Variants in KDM3B observed in about 807,000 individuals in gnomAD.
The protein encoded by KDM3B is lysine-specific demethylase 3B.
Under a neutral mutation model 170.0 loss-of-function variants are expected in KDM3B, and 10 were observed. The ratio of observed to expected loss-of-function variants is 0.06; its 90% CI spans 0.04 to 0.10. KDM3B has a LOEUF of 0.10. Ranked by LOEUF, KDM3B falls within the 10% of genes least tolerant of loss-of-function variation. The probability of loss-of-function intolerance (pLI) is 1.00; values close to 1 mark genes in which losing one functional copy is unlikely to be tolerated. For missense variants in KDM3B, 1,394 were observed against 2,195.2 expected (o/e 0.64, Z 7.29); for synonymous variants, 831 against 834.8 (o/e 1.00, Z 0.08).
chr5:138,376,740 G>A (rs1352144213), intron 3 of KDM3B, among the ~76,000 whole-genome samples: 1 of 151,746 alleles, frequency 6.6e-6, no homozygotes, highest in East Asian at 1.9e-4. Context: ...GGCAGAGGTG[G>A]CTTCTCCGAG....
intron 15 of KDM3B, among the ~76,000 whole-genome samples, chr5:138,422,773 A>G (rs909898600): frequency 1.3e-5 from 2 of 152,084 alleles, no homozygotes; most frequent in African/African-American, 2.4e-5. Flanking sequence ...TTTCCCCTAA[A>G]TGTTCTACAC....
intron 11 of KDM3B, among the ~76,000 whole-genome samples, chr5:138,410,438 A>C (rs1189471413): frequency 6.6e-6 from 1 of 152,208 alleles, no homozygotes; most frequent in Non-Finnish European, 1.5e-5. Context: ...AGTGGGGGAA[A>C]GGATAACCCT....
intron 11 of KDM3B, among the ~76,000 whole-genome samples, chr5:138,402,601 A>G (rs1422539484): frequency 6.6e-6 from 1 of 152,254 alleles, no homozygotes; most frequent in Non-Finnish European, 1.5e-5. Flanking sequence ...GTTAGCTGCT[A>G]GAGTATTCTG....
chr5:138,363,167 T>C (rs904823286), intron 1 of KDM3B, among the ~76,000 whole-genome samples: 29 of 152,282 alleles, frequency 1.9e-4, no homozygotes, highest in African/African-American at 7.0e-4. Context: ...AGTAAATTCA[T>C]GGAGGTCAGG....
chr5:138,405,276 C>G (rs975622956), intron 11 of KDM3B, among the ~76,000 whole-genome samples: 2 of 142,608 alleles, frequency 1.4e-5, no homozygotes, highest in Non-Finnish European at 3.1e-5. Flanking sequence ...CTCCTGATCT[C>G]GTGATCCACC....
At chr5:138,410,327 A>ATT (rs1762929990) in intron 11 of KDM3B, among the ~76,000 whole-genome samples, 1 of 152,156 alleles carries the variant, frequency 6.6e-6, no homozygotes. Context: ...ATTAATATTA[A>ATT]AGCTACAGTA....
intron 11 of KDM3B, among the ~76,000 whole-genome samples, chr5:138,409,795 A>G (rs192895583): frequency 5.3e-5 from 8 of 152,292 alleles, no homozygotes; most frequent in Non-Finnish European, 1.2e-4. Flanking sequence ...AACAATAATG[A>G]AAAATAGGCC....
chr5:138,384,786 C>T (rs1762216216), intron 6 of KDM3B, among the ~76,000 whole-genome samples: 1 of 147,424 alleles, frequency 6.8e-6, no homozygotes, highest in African/African-American at 2.5e-5. Flanking sequence ...TGGTGGCACA[C>T]ACCTGTAGTC....
chr5:138,390,151 G>A (rs1444401814), intron 7 of KDM3B, among the ~76,000 whole-genome samples: 3 of 151,916 alleles, frequency 2.0e-5, no homozygotes, highest in African/African-American at 4.8e-5. Context: ...GAGCCACCGC[G>A]CCAGGCCCCA....
intron 17 of KDM3B, 132 bp downstream of exon 17, chr5:138,425,714 T>G (rs1763375173): frequency 9.4e-6 from 8 of 850,798 alleles, no homozygotes; most frequent in Non-Finnish European, 1.2e-5. Flanking sequence ...GAATAAAAAA[T>G]TAAAAACAGA....
intron 11 of KDM3B, among the ~76,000 whole-genome samples, chr5:138,401,843 C>T: frequency 6.6e-6 from 1 of 152,052 alleles, no homozygotes; most frequent in Non-Finnish European, 1.5e-5. Context: ...CTGATTGTGT[C>T]GTTTTGATTT....
chr5:138,360,575 T>TTC (rs1761575150), intron 1 of KDM3B, among the ~76,000 whole-genome samples: 1 of 14,672 alleles, frequency 6.8e-5, no homozygotes, highest in Non-Finnish European at 2.1e-4. Flanking sequence ...TCTATTTCTT[T>TTC]TTTTTTTTTT....
Position 138,424,124 on chromosome 5 carries a change from C to A in KDM3B, c.4022C>A (p.Ala1341Asp). ...CCCAACTTTCTTGACCACATCATTG[C>A]CTCAGTGGTAGAAAATAAGAAAACC... ...SLPNFLDHII[A>D]SVVENKKTSD... The change falls in exon 16 of 24, where the codon GCC becomes GAC. Residue 1341 changes from alanine (A) to aspartate (D), a missense_variant. Transcript: ENST00000314358. The A allele has an allele frequency of 1.2e-6, 2 of 1,608,224 alleles. No homozygotes were observed. The highest frequency in any genetic ancestry group is 1.1e-5 in the South Asian group (1 of 90,506).
At chr5:138,368,058 C>T (rs1392568480) in intron 1 of KDM3B, among the ~76,000 whole-genome samples, 1 of 151,754 alleles carries the variant, frequency 6.6e-6, no homozygotes, top group Non-Finnish European at 1.5e-5. Flanking sequence ...TGTTTTAGTC[C>T]TCCCCTACTA....
At chr5:138,372,605 T>C (rs1177395275) in intron 1 of KDM3B, 69 bp from the exon 2 acceptor site, 4 of 1,327,894 alleles carry the variant, frequency 3.0e-6, no homozygotes, top group Non-Finnish European at 4.2e-6. Context: ...GTGGGGTTTA[T>C]GTTCATTTAT....
At chr5:138,361,171 T>C (rs1306294131) in intron 1 of KDM3B, among the ~76,000 whole-genome samples, 1 of 152,174 alleles carries the variant, frequency 6.6e-6, no homozygotes, top group Non-Finnish European at 1.5e-5. Flanking sequence ...AGTTTTCCAC[T>C]GCCTTTGACA....
intron 4 of KDM3B, among the ~76,000 whole-genome samples, chr5:138,378,597 T>A (rs1309671448): frequency 1.3e-5 from 2 of 152,114 alleles, no homozygotes; most frequent in African/African-American, 4.8e-5. Flanking sequence ...GTTTCCTTGT[T>A]TCTCTTTTGT....
intron 1 of KDM3B, among the ~76,000 whole-genome samples, chr5:138,369,118 A>G (rs1366472198): frequency 6.6e-6 from 1 of 152,172 alleles, no homozygotes; most frequent in Non-Finnish European, 1.5e-5. Context: ...CTAGGTTACC[A>G]TGGAACCTCA....
chr5:138,383,373 G>A (rs1271362868), intron 6 of KDM3B, among the ~76,000 whole-genome samples: 1 of 151,890 alleles, frequency 6.6e-6, no homozygotes, highest in Non-Finnish European at 1.5e-5. Context: ...TCCTGACCTC[G>A]TGATCCGCCC....
Sources: gnomAD v4.1 joint callset for allele counts (sites outside exome capture counted in the v4.1 genomes callset) on GRCh38, gnomAD v4.1.1 for gene constraint, MANE v1.5 for transcripts, NCBI Gene and HGNC (gene_info 2026-07-23, HGNC 2026-07-21) for gene names.